ADAM28: variants seen among roughly 807,000 people sequenced by gnomAD.
ADAM28 encodes the protein ADAM metallopeptidase domain 28.
In ADAM28, 105 loss-of-function variants were observed where a neutral mutation model predicts 101.2. That is an observed-to-expected ratio of 1.04 (90% confidence interval 0.89 to 1.22). ADAM28 has a LOEUF of 1.22. ADAM28 is among the 50% of genes most tolerant of loss of function. The pLI is 0.00. For missense variants in ADAM28, 1,028 were observed against 945.4 expected (o/e 1.09, Z -1.15); for synonymous variants, 322 against 310.6 (o/e 1.04, Z -0.39).
intron 2 of ADAM28, among the ~76,000 whole-genome samples, chr8:24,304,328 A>G (rs1809256205): frequency 6.6e-6 from 1 of 151,380 alleles, no homozygotes; most frequent in Admixed American, 6.6e-5. Flanking sequence ...GTCCATTACT[A>G]GGTTAAATGG....
intron 11 of ADAM28, among the ~76,000 whole-genome samples, 170 bp from the exon 12 acceptor site, chr8:24,330,980 G>C (rs1015911179): frequency 6.6e-6 from 1 of 152,128 alleles, no homozygotes; most frequent in Non-Finnish European, 1.5e-5. Context: ...CATGAAGTTG[G>C]AGGTGGGTTA....
At position 24,353,765 on chromosome 8, in the gene ADAM28, C is replaced by T. The variant is rs7815643; in HGVS notation, c.2245-5C>T. ...GCCATACCATTGTTTTTATAATTAACGTAGCATAAAGACACAAACGCACTT... is the reference window on the plus strand; with the variant it reads ...GCCATACCATTGTTTTTATAATTAATGTAGCATAAAGACACAAACGCACTT... On this transcript the variant is annotated splice_polypyrimidine_tract_variant and splice_region_variant and intron_variant, in intron 21 of 22. Coordinates refer to ENST00000265769, the MANE Select transcript of ADAM28 (RefSeq NM_014265.6). 1,456,763 of 1,470,244 alleles carry T rather than the reference C, an allele frequency of 0.99. 721,968 individuals carry two copies. The highest frequency in any genetic ancestry group is 1 in the East Asian group (43,953 of 43,994). 91.1% of individuals were successfully genotyped at this position (1,470,244 alleles called of 1,614,324 possible). A position where few individuals can be genotyped will look rare whatever the true frequency, so the allele number is the denominator to read the frequency against.
Position 24,335,315 on chromosome 8 carries a change from AG to A in ADAM28, c.1372-130del, listed in dbSNP as rs371997887. The A allele has an allele frequency of 4.4e-4, 620 of 1,397,042 alleles. 10 individuals are homozygous for A. The South Asian group carries it at 9.6e-3, about 22-fold the overall frequency. 86.5% of individuals were successfully genotyped at this position (1,397,042 alleles called of 1,614,324 possible). A position where few individuals can be genotyped will look rare whatever the true frequency, so the allele number is the denominator to read the frequency against. ...CATGGCTTTAATTTATGACAATGTAAGCTTCAGTGAAATGACACCTCCAACT... is the reference window on the plus strand; with the variant it reads ...CATGGCTTTAATTTATGACAATGTAACTTCAGTGAAATGACACCTCCAACT... On this transcript the variant is annotated intron_variant, in intron 13 of 22. Transcript: ENST00000265769.
intron 9 of ADAM28, chr8:24,325,238 G>A (rs1344699579): frequency 6.6e-6 from 1 of 151,874 alleles, no homozygotes; most frequent in Non-Finnish European, 1.5e-5. Context: ...AATAATAGAC[G>A]AGATGATAAA....
chr8:24,312,461 T>C (rs986795512), intron 5 of ADAM28, among the ~76,000 whole-genome samples: 1 of 152,102 alleles, frequency 6.6e-6, no homozygotes, highest in Non-Finnish European at 1.5e-5. Flanking sequence ...TCATTCTGTC[T>C]CTACTACGAT....
intron 15 of ADAM28, among the ~76,000 whole-genome samples, chr8:24,340,139 T>C (rs1286919961): frequency 6.6e-6 from 1 of 152,218 alleles, no homozygotes; most frequent in Non-Finnish European, 1.5e-5. Flanking sequence ...CTTGGGATTT[T>C]TCTATGGTTT....
intron 17 of ADAM28, 22 bp downstream of exon 17, chr8:24,343,203 C>G: frequency 1.9e-6 from 3 of 1,608,976 alleles, no homozygotes; most frequent in Non-Finnish European, 2.6e-6. Flanking sequence ...AAATATGTTT[C>G]CCTAAGCTCT....
intron 11 of ADAM28, 36 bp downstream of exon 11, chr8:24,330,151 G>T (rs1159525634): frequency 1.3e-6 from 2 of 1,598,134 alleles, no homozygotes; most frequent in Admixed American, 1.7e-5. Context: ...ATGCTATGTA[G>T]CCCTGGTTTT....
intron 6 of ADAM28, among the ~76,000 whole-genome samples, chr8:24,315,412 A>C (rs980836244): frequency 1.1e-4 from 17 of 152,028 alleles, no homozygotes; most frequent in African/African-American, 2.4e-5. Flanking sequence ...TTGATAGCCT[A>C]GAGAAAATAG....
rs1810423539 is a variant in ADAM28 at position 24,311,306 on chromosome 8, G to T, written c.307-55G>T. 8 of 1,399,730 alleles carry T rather than the reference G, an allele frequency of 5.7e-6. No individual in the cohort carries two copies. The South Asian group carries it at 7.5e-5, about 13-fold the overall frequency. 86.7% of individuals were successfully genotyped at this position (1,399,730 alleles called of 1,614,324 possible). On this transcript the variant is annotated intron_variant, in intron 4 of 22. Transcript: ENST00000265769. ...TTTCAAGATTTCAGATGCGGCTTTA[G>T]CAGCGGTGCTAAAATTCACATGTAC...
intron 7 of ADAM28, among the ~76,000 whole-genome samples, chr8:24,320,953 A>G (rs1044066581): frequency 6.6e-6 from 1 of 151,936 alleles, no homozygotes; most frequent in Non-Finnish European, 1.5e-5. Context: ...AAACCATAGA[A>G]TTTAAGTGAA....
chr8:24,335,624 C>A lies in ADAM28; in HGVS notation c.1550C>A (p.Thr517Lys). ...TGCCCCACACTGCAGGAGCAGTGCA[C>A]AGAGCTGTGGGGACCAGGTAGGAGG... The part of the protein sequence containing the change: ...GTCPTLQEQC[T>K]ELWGPGTEVA... Residue 517 changes from threonine to lysine, a missense_variant, in exon 14 of 23, where the codon ACA (threonine) becomes AAA (lysine). Transcript: ENST00000265769. The A allele has an allele frequency of 6.2e-7, 1 of 1,610,724 alleles. No homozygotes were observed. Among genetic ancestry groups the A allele is most frequent in the Admixed American group, 1.7e-5 (1 of 59,574 alleles).
chr8:24,305,283 G>T (rs994502093), intron 2 of ADAM28, among the ~76,000 whole-genome samples: 1 of 151,806 alleles, frequency 6.6e-6, no homozygotes, highest in Non-Finnish European at 1.5e-5. Flanking sequence ...GTCACAGTCA[G>T]TATTATAAAG....
chr8:24,353,014 A>G (rs1283034087), intron 21 of ADAM28, among the ~76,000 whole-genome samples: 4 of 152,142 alleles, frequency 2.6e-5, no homozygotes, highest in African/African-American at 9.7e-5. Context: ...CAGGATGTGT[A>G]CTTTTGAGGT....
In ADAM28 at chr8:24,335,166, GT is replaced by G. The variant is rs531078764; in HGVS notation, c.1372-268del. On this transcript the variant is annotated intron_variant, in intron 13 of 22. Transcript: ENST00000265769. ...CTTCTTTTTATCTAAGTTGTTGCCTGTTTTTTTTTTTTCGTCCTGTACTTTT... is the reference window on the plus strand; with the variant it reads ...CTTCTTTTTATCTAAGTTGTTGCCTGTTTTTTTTTTTCGTCCTGTACTTTT... 1.7e-3 allele frequency among the ~76,000 whole-genome samples: 246 copies of G among 140,586 alleles called. No individual in the cohort carries two copies. The East Asian group carries it at 0.025, about 14-fold the overall frequency. The allele number at this position is 140,586 out of a possible 152,430, so 92.2% of individuals were successfully genotyped here. A position where few individuals can be genotyped will look rare whatever the true frequency, so the allele number is the denominator to read the frequency against.
At chr8:24,312,674 T>G (rs1457871387) in intron 5 of ADAM28, among the ~76,000 whole-genome samples, 1 of 151,836 alleles carries the variant, frequency 6.6e-6, no homozygotes, top group East Asian at 1.9e-4. Context: ...ATTCTGTGAT[T>G]ATTTGATACA....
At chr8:24,349,748 A>G in intron 18 of ADAM28, 116 bp from the exon 19 acceptor site, 1 of 692,518 alleles carries the variant, frequency 1.4e-6, no homozygotes, top group Non-Finnish European at 2.4e-6. Flanking sequence ...ATGGGAATTT[A>G]TGTTCATTGG....
intron 18 of ADAM28, among the ~76,000 whole-genome samples, chr8:24,346,635 C>T (rs571538007): frequency 6.6e-6 from 1 of 152,002 alleles, no homozygotes; most frequent in Admixed American, 6.6e-5. Context: ...ATTGTTAACA[C>T]CATCTTTTTG....
chr8:24,348,188 C>A (rs1477856371), intron 18 of ADAM28, among the ~76,000 whole-genome samples: 1 of 151,862 alleles, frequency 6.6e-6, no homozygotes, highest in Non-Finnish European at 1.5e-5. Context: ...TTAATGATTA[C>A]CCTAAAACTT....
Sources: gnomAD v4.1 joint callset for allele counts (sites outside exome capture counted in the v4.1 genomes callset) on GRCh38, gnomAD v4.1.1 for gene constraint, MANE v1.5 for transcripts, NCBI Gene and HGNC (gene_info 2026-07-23, HGNC 2026-07-21) for gene names.